Variants in CEP63 observed in about 807,000 individuals in gnomAD.
CEP63 encodes centrosomal protein of 63 kDa.
CEP63 carries 84 observed loss-of-function variants against 89.1 expected under a neutral mutation model. The observed-to-expected ratio is 0.94, with a 90% CI of 0.79 to 1.13. The LOEUF (loss-of-function observed/expected upper bound fraction) is 1.13. Among genes scored for constraint, CEP63 ranks in the 50% most tolerant of loss-of-function variants. CEP63 has a pLI of 0.00. For missense variants in CEP63, 838 were observed against 813.3 expected (o/e 1.03, Z -0.37); for synonymous variants, 267 against 272.5 (o/e 0.98, Z 0.20).
the CEP63 span, among the ~76,000 whole-genome samples, chr3:134,638,819 G>A: frequency 5.0e-4 from 76 of 152,308 alleles, no homozygotes; most frequent in African/African-American, 1.8e-3. Context: ...AACACCTAAC[G>A]CAGTATGGCA....
At chr3:134,772,330 C>T in the CEP63 span, among the ~76,000 whole-genome samples, 28 of 152,288 alleles carry the variant, frequency 1.8e-4, no homozygotes, top group African/African-American at 6.0e-4. Context: ...CCTCTCTGTT[C>T]AAGGCAGCAT....
At chr3:134,668,120 G>C in the CEP63 span, among the ~76,000 whole-genome samples, 1 of 152,228 alleles carries the variant, frequency 6.6e-6, no homozygotes, top group African/African-American at 2.4e-5. Flanking sequence ...GGACAGACTT[G>C]CAGGAACCGC....
the CEP63 span, among the ~76,000 whole-genome samples, chr3:134,646,799 C>T: frequency 6.6e-6 from 1 of 152,112 alleles, no homozygotes; most frequent in Non-Finnish European, 1.5e-5. Context: ...TCTATTAGAA[C>T]CTTCACGTGC....
intron 10 of CEP63, 33 bp downstream of exon 10, chr3:134,549,209 G>A (rs768567693): frequency 1.5e-6 from 2 of 1,311,330 alleles, no homozygotes; most frequent in South Asian, 1.2e-5. Flanking sequence ...TTGCAAAATT[G>A]TATGTGTTTA....
At chr3:134,725,168 C>A in the CEP63 span, among the ~76,000 whole-genome samples, 1 of 152,090 alleles carries the variant, frequency 6.6e-6, no homozygotes, top group Non-Finnish European at 1.5e-5. Flanking sequence ...ATTTTGCAAC[C>A]TATACGAATT....
chr3:134,507,720 A>G (rs1197631213), intron 3 of CEP63, among the ~76,000 whole-genome samples: 1 of 152,230 alleles, frequency 6.6e-6, no homozygotes, highest in Admixed American at 6.5e-5. Flanking sequence ...CTTTAAAAAA[A>G]AACAAAACAA....
chr3:134,510,973 A>ATTTTT, intron 3 of CEP63: 1 of 155,344 alleles, frequency 6.4e-6, no homozygotes, highest in Non-Finnish European at 1.4e-5. Flanking sequence ...TCCACCTTTG[A>ATTTTT]TTTTTTTTTT....
chr3:134,491,061 C>T (rs1937447485), intron 1 of CEP63, among the ~76,000 whole-genome samples: 1 of 152,134 alleles, frequency 6.6e-6, no homozygotes, highest in African/African-American at 2.4e-5. Context: ...TGCATTTTTG[C>T]CAATGAGCCT....
At chr3:134,551,164 T>A (rs778225755) in intron 11 of CEP63, among the ~76,000 whole-genome samples, 3 of 152,070 alleles carry the variant, frequency 2.0e-5, no homozygotes, top group Non-Finnish European at 4.4e-5. Flanking sequence ...GAATAAAGGC[T>A]GGAATTTTGT....
the CEP63 span, among the ~76,000 whole-genome samples, chr3:134,743,812 A>G: frequency 1.3e-5 from 2 of 151,848 alleles, no homozygotes; most frequent in African/African-American, 4.8e-5. Context: ...TCCTCCTGAC[A>G]CTCTTCCATT....
Position 134,507,125 on chromosome 3 carries a change from T to G in CEP63, c.61T>G (p.Cys21Gly), listed in dbSNP as rs200369496. The change falls in exon 3 of 15, where the codon TGT becomes GGT. Residue 21 changes from cysteine (C) to glycine (G), a missense_variant. Cys to Gly is a radical substitution (Grantham distance 159). Coordinates refer to ENST00000675561, the MANE Select transcript of CEP63 (RefSeq NM_001353108.3). The stretch of plus-strand genomic sequence containing the variant: ...TCTTTATAGGGGATTTTTGACATCT[T>G]GTGAAGCAGAACTACAGGAGCTCAT... Reference protein sequence around the residue: ...RGHGGGFLTSCEAELQELMKQ... With the variant: ...RGHGGGFLTSGEAELQELMKQ... 9.9e-5 allele frequency: 160 copies of G among 1,613,684 alleles called. 1 individual carries two copies. The East Asian group carries it at 3.3e-3, about 34-fold the overall frequency.
At chr3:134,541,657 G>T (rs1333621477) in intron 6 of CEP63, among the ~76,000 whole-genome samples, 1 of 151,762 alleles carries the variant, frequency 6.6e-6, no homozygotes, top group African/African-American at 2.4e-5. Flanking sequence ...AGGATTACAG[G>T]CGTGCACCAC....
the CEP63 span, among the ~76,000 whole-genome samples, chr3:134,660,601 A>T: frequency 6.6e-6 from 1 of 152,130 alleles, no homozygotes; most frequent in Non-Finnish European, 1.5e-5. Flanking sequence ...TTCTATGCCA[A>T]CTCTGTATCA....
intron 9 of CEP63, among the ~76,000 whole-genome samples, chr3:134,548,559 T>C (rs1954114767): frequency 6.6e-6 from 1 of 152,232 alleles, no homozygotes; most frequent in Non-Finnish European, 1.5e-5. Flanking sequence ...ATTTTCTGTA[T>C]GTAAAAGATA....
chr3:134,618,635 A>G, the CEP63 span, among the ~76,000 whole-genome samples: 2 of 150,550 alleles, frequency 1.3e-5, no homozygotes, highest in Non-Finnish European at 2.9e-5. Context: ...CAACCTGGCC[A>G]TATGCCCACT....
the CEP63 span, among the ~76,000 whole-genome samples, chr3:134,762,008 T>A: frequency 1.3e-5 from 2 of 152,194 alleles, no homozygotes; most frequent in Non-Finnish European, 2.9e-5. Flanking sequence ...AGTCACCACA[T>A]TTTGTAGCTT....
At chr3:134,704,648 C>T in the CEP63 span, among the ~76,000 whole-genome samples, 1 of 152,340 alleles carries the variant, frequency 6.6e-6, no homozygotes, top group Middle Eastern at 3.4e-3. Context: ...AGGGCTTGCC[C>T]ATGCCTGCTA....
chr3:134,565,305 A>G (rs550679085), downstream of CEP63, among the ~76,000 whole-genome samples: 1 of 152,304 alleles, frequency 6.6e-6, no homozygotes, highest in African/African-American at 2.4e-5. Flanking sequence ...AAGTGTAGAA[A>G]AAATACTACA....
the CEP63 span, among the ~76,000 whole-genome samples, chr3:134,760,822 A>G: frequency 2.6e-5 from 4 of 152,108 alleles, no homozygotes; most frequent in Non-Finnish European, 4.4e-5. Flanking sequence ...GATCTTAGGG[A>G]GACTGCTGTC....
Sources: gnomAD v4.1 joint callset for allele counts (sites outside exome capture counted in the v4.1 genomes callset) on GRCh38, gnomAD v4.1.1 for gene constraint, MANE v1.5 for transcripts, NCBI Gene and HGNC (gene_info 2026-07-23, HGNC 2026-07-21) for gene names.